CFAP61: variants seen among roughly 807,000 people sequenced by gnomAD.
The protein encoded by CFAP61 is cilia and flagella associated protein 61.
Under a neutral mutation model 135.6 loss-of-function variants are expected in CFAP61, and 107 were observed. The ratio of observed to expected loss-of-function variants is 0.79; its 90% CI spans 0.67 to 0.93. The LOEUF is 0.93. Ranked by LOEUF, CFAP61 falls within the 40% of genes least tolerant of loss-of-function variation. CFAP61 has a pLI of 0.00. For synonymous variants in CFAP61, 575 were observed against 578.5 expected, an observed-to-expected ratio of 0.99 and a Z score of 0.09; for missense variants, 1,507 against 1,556.2, an observed-to-expected ratio of 0.97 and a Z score of 0.53.
intron 25 of CFAP61, among the ~76,000 whole-genome samples, chr20:20,303,741 C>T (rs1339522848): frequency 1.3e-5 from 2 of 152,158 alleles, no homozygotes; most frequent in Non-Finnish European, 2.9e-5. Flanking sequence ...AGACCAGGCA[C>T]GTTTCATTTG....
intron 18 of CFAP61, among the ~76,000 whole-genome samples, chr20:20,232,571 T>G (rs1469037654): frequency 6.6e-6 from 1 of 152,204 alleles, no homozygotes; most frequent in Non-Finnish European, 1.5e-5. Flanking sequence ...TTTTCCAGAA[T>G]TATGCAGAAC....
chr20:20,217,009 CTT>C (rs1341286126), intron 17 of CFAP61, among the ~76,000 whole-genome samples: 1 of 152,184 alleles, frequency 6.6e-6, no homozygotes. Context: ...GCTTAGCTCT[CTT>C]TTCATTTCTA....
chr20:20,338,499 G>A (rs150658157), intron 25 of CFAP61, among the ~76,000 whole-genome samples: 22 of 152,258 alleles, frequency 1.4e-4, no homozygotes, highest in African/African-American at 5.1e-4. Context: ...CCTGCCACCC[G>A]CCTCCTCCTT....
chr20:20,115,514 A>G (rs957371190), intron 8 of CFAP61, among the ~76,000 whole-genome samples: 9 of 152,104 alleles, frequency 5.9e-5, no homozygotes, highest in African/African-American at 1.9e-4. Flanking sequence ...CTATTGAGCT[A>G]TCAAACACTA....
chr20:20,353,374 A>AT lies in CFAP61; in HGVS notation c.3514-6835dup, dbSNP rs2058921727. 2.0e-5 allele frequency among the ~76,000 whole-genome samples: 3 copies of AT among 152,140 alleles called. No homozygotes were observed. In the South Asian group the frequency reaches 6.2e-4, roughly 32 times the overall value. Reference sequence around the variant, plus strand: ...GGTGTGGATGGAAATGTACCCTGTGATGGGAGGGGTCCTGTTCATGGGTTC... The same window carrying AT: ...GGTGTGGATGGAAATGTACCCTGTGATTGGGAGGGGTCCTGTTCATGGGTTC... On this transcript the variant is annotated intron_variant, in intron 26 of 26. Coordinates refer to ENST00000245957, the MANE Select transcript of CFAP61 (RefSeq NM_015585.4).
chr20:20,106,448 T>A (rs1047960756), intron 8 of CFAP61, among the ~76,000 whole-genome samples: 3 of 152,218 alleles, frequency 2.0e-5, no homozygotes, highest in African/African-American at 7.2e-5. Context: ...GAGATCTGCA[T>A]TCCTCCTTTC....
intron 2 of CFAP61, among the ~76,000 whole-genome samples, chr20:20,069,273 A>T (rs1002836877): frequency 1.3e-5 from 2 of 152,074 alleles, no homozygotes; most frequent in African/African-American, 2.4e-5. Context: ...TTTTTATTTT[A>T]TTGTTATTTA....
chr20:20,196,502 T>G, intron 15 of CFAP61, 68 bp from the exon 16 acceptor site: 1 of 1,211,732 alleles, frequency 8.3e-7, no homozygotes, highest in Non-Finnish European at 1.2e-6. Flanking sequence ...TTAAAAGATA[T>G]TTATCACAAA....
intron 3 of CFAP61, among the ~76,000 whole-genome samples, chr20:20,072,698 A>C (rs1406289093): frequency 6.6e-6 from 1 of 152,170 alleles, no homozygotes; most frequent in Non-Finnish European, 1.5e-5. Flanking sequence ...CCAATGTGGT[A>C]GCCACCAGCC....
At chr20:20,172,578 C>G (rs1311889451) in intron 13 of CFAP61, among the ~76,000 whole-genome samples, 1 of 152,138 alleles carries the variant, frequency 6.6e-6, no homozygotes, top group Admixed American at 6.5e-5. Context: ...CCTTGGCCTC[C>G]CAGTGTTGCA....
chr20:20,108,609 G>T (rs919858745), intron 8 of CFAP61, among the ~76,000 whole-genome samples: 5 of 152,186 alleles, frequency 3.3e-5, no homozygotes, highest in Admixed American at 6.5e-5. Context: ...GGGAGGCAAT[G>T]AACTAAAATG....
At chr20:20,264,845 T>G (rs976165186) in intron 21 of CFAP61, among the ~76,000 whole-genome samples, 5 of 152,192 alleles carry the variant, frequency 3.3e-5, no homozygotes, top group Non-Finnish European at 7.3e-5. Flanking sequence ...AGAGGCATGA[T>G]TATGCCACTG....
At chr20:20,090,117 C>A (rs191795424) in intron 6 of CFAP61, among the ~76,000 whole-genome samples, 73 of 152,252 alleles carry the variant, frequency 4.8e-4, no homozygotes, top group Non-Finnish European at 8.8e-4. Context: ...GGAAGTGCTG[C>A]CCCTAGTCTC....
intron 25 of CFAP61, among the ~76,000 whole-genome samples, chr20:20,328,754 A>T (rs1005297991): frequency 3.3e-5 from 5 of 152,238 alleles, no homozygotes; most frequent in African/African-American, 1.2e-4. Flanking sequence ...AAGAAGACAT[A>T]TAGACGGCTG....
chr20:20,290,446 A>T (rs371230635), intron 24 of CFAP61, 55 bp downstream of exon 24: 3 of 1,218,466 alleles, frequency 2.5e-6, no homozygotes, highest in African/African-American at 3.0e-5. Flanking sequence ...TTTGTTTATA[A>T]GAGGATGAAA....
In CFAP61 at chr20:20,204,701, G is replaced by A. The variant is rs907865802; in HGVS notation, c.1932+4799G>A. Among the ~76,000 whole-genome samples, 5 of 152,168 alleles carry A rather than the reference G, an allele frequency of 3.3e-5. No homozygotes were observed. The East Asian group carries it at 7.7e-4, about 23-fold the overall frequency. On this transcript the variant is annotated intron_variant, in intron 17 of 26. Transcript: ENST00000245957. ...TATATTTGTGGTCGGGGTATGTGGT[G>A]TGTTTTTAGCTCTTTGGCCATCACC...
chr20:20,236,030 A>G (rs2049564603), intron 18 of CFAP61, among the ~76,000 whole-genome samples: 1 of 152,220 alleles, frequency 6.6e-6, no homozygotes, highest in Non-Finnish European at 1.5e-5. Context: ...CATAGGCTTG[A>G]AAAAAATGGT....
intron 8 of CFAP61, among the ~76,000 whole-genome samples, chr20:20,099,493 C>G (rs943452012): frequency 2.0e-5 from 3 of 151,948 alleles, no homozygotes; most frequent in Non-Finnish European, 2.9e-5. Flanking sequence ...TGCAGACAGG[C>G]AAGTTACCAT....
intron 21 of CFAP61, among the ~76,000 whole-genome samples, chr20:20,273,619 A>G (rs145303306): frequency 3.7e-4 from 57 of 152,376 alleles, no homozygotes; most frequent in African/African-American, 1.4e-3. Flanking sequence ...TGGTCAGGAA[A>G]TAGTACTGTG....
Sources: gnomAD v4.1 joint callset for allele counts (sites outside exome capture counted in the v4.1 genomes callset) on GRCh38, gnomAD v4.1.1 for gene constraint, MANE v1.5 for transcripts, NCBI Gene and HGNC (gene_info 2026-07-23, HGNC 2026-07-21) for gene names.